The following ATR variants were observed in gnomAD, a reference collection of about 807,000 sequenced individuals.
ATR encodes ATR checkpoint kinase.
In ATR, 142 loss-of-function variants were observed where a neutral mutation model predicts 305.3. The observed-to-expected ratio is 0.47, with a 90% CI of 0.41 to 0.53. The LOEUF is 0.53. ATR is among the 20% of genes least tolerant of loss of function. The pLI is 0.00. For synonymous variants in ATR, 1,050 were observed against 1,068.1 expected, an observed-to-expected ratio of 0.98 and a Z score of 0.33; for missense variants, 2,135 against 3,133.1, an observed-to-expected ratio of 0.68 and a Z score of 7.60.
intron 23 of ATR, 79 bp from the exon 24 acceptor site, chr3:142,519,863 T>C: frequency 9.3e-7 from 1 of 1,073,758 alleles, no homozygotes; most frequent in South Asian, 1.3e-5. Flanking sequence ...CTACATATCT[T>C]AGTTATAAAA....
intron 28 of ATR, among the ~76,000 whole-genome samples, chr3:142,506,570 C>G (rs995624048): frequency 6.6e-6 from 1 of 151,996 alleles, no homozygotes; most frequent in African/African-American, 2.4e-5. Flanking sequence ...GCCTGTGGTC[C>G]CAGCTGCTCG....
At chr3:142,465,848 T>C (rs938690964) in intron 40 of ATR, 1 of 170,138 alleles carries the variant, frequency 5.9e-6, no homozygotes, top group Non-Finnish European at 1.3e-5. Flanking sequence ...CTACAAAAAA[T>C]TTAAAAAATT....
At chr3:142,519,596 G>T in intron 24 of ATR, 73 bp downstream of exon 24, 1 of 1,332,664 alleles carries the variant, frequency 7.5e-7, no homozygotes, top group Non-Finnish European at 1.1e-6. Flanking sequence ...CACTGCACCC[G>T]GCCAAAAAAA....
intron 28 of ATR, among the ~76,000 whole-genome samples, chr3:142,506,203 C>T (rs577346614): frequency 3.9e-5 from 6 of 152,142 alleles, no homozygotes; most frequent in Admixed American, 6.5e-5. Context: ...TGTGAAGTTC[C>T]GGAAACAGAG....
chr3:142,554,883 G>A (rs1173652924), intron 10 of ATR, among the ~76,000 whole-genome samples: 2 of 151,638 alleles, frequency 1.3e-5, no homozygotes, highest in African/African-American at 4.9e-5. Context: ...AGCCATGATT[G>A]CGCCACTGCA....
intron 1 of ATR, among the ~76,000 whole-genome samples, chr3:142,578,142 C>T (rs2035500904): frequency 6.6e-6 from 1 of 152,112 alleles, no homozygotes; most frequent in African/African-American, 2.4e-5. Context: ...ACTGCCTTTT[C>T]CAGCAAGTGA....
At chr3:142,524,394 A>G (rs1287748532) in intron 21 of ATR, among the ~76,000 whole-genome samples, 195 bp from the exon 22 acceptor site, 1 of 152,224 alleles carries the variant, frequency 6.6e-6, no homozygotes, top group African/African-American at 2.4e-5. Context: ...CTGTACAATT[A>G]GAATCATTAA....
At chr3:142,555,236 C>CG (rs1325471494) in intron 10 of ATR, among the ~76,000 whole-genome samples, 4 of 53,688 alleles carry the variant, frequency 7.5e-5, no homozygotes, top group South Asian at 8.1e-4. Flanking sequence ...AACTCCGTCT[C>CG]GGGGAAAAAA....
intron 18 of ATR, among the ~76,000 whole-genome samples, chr3:142,540,261 C>T (rs372500052): frequency 2.2e-4 from 34 of 152,108 alleles, no homozygotes; most frequent in African/African-American, 1.2e-4. Context: ...TTACAAGAGA[C>T]ACTTAAGGAG....
Position 142,497,144 on chromosome 3 carries a change from C to A in ATR, c.5607G>T (p.Gln1869His), listed in dbSNP as rs1450079064. 1.2e-6 allele frequency: 2 copies of A among 1,614,008 alleles called. No homozygotes were observed. Among genetic ancestry groups the A allele is most frequent in the South Asian group, 2.2e-5 (2 of 91,074 alleles). ...ELEHSIKPLFQHSPGDSSQED... is the reference protein window; with the variant it reads ...ELEHSIKPLFHHSPGDSSQED... ...CTTGAGAACTGTCACCTGGAGAATG[C>A]TGGAAAAGTGGTTTGATGCTATGCT... Residue 1869 changes from glutamine (Q) to histidine (H), a missense_variant, in exon 33 of 47, where the codon CAG (glutamine) becomes CAT (histidine). By Grantham distance (24) the Gln-to-His change is conservative. Coordinates refer to ENST00000350721, the MANE Select transcript of ATR (RefSeq NM_001184.4).
intron 36 of ATR, among the ~76,000 whole-genome samples, chr3:142,476,668 T>C (rs1469389178): frequency 1.3e-5 from 2 of 152,202 alleles, no homozygotes; most frequent in Non-Finnish European, 2.9e-5. Context: ...GCATTGAATC[T>C]ATAAATTACC....
intron 14 of ATR, 30 bp downstream of exon 14, chr3:142,550,102 A>T: frequency 6.2e-7 from 1 of 1,611,690 alleles, no homozygotes; most frequent in Non-Finnish European, 8.5e-7. Context: ...TGAATTGCAA[A>T]CCTCAAGTGA....
At chr3:142,482,132 G>T (rs2030544872) in intron 36 of ATR, among the ~76,000 whole-genome samples, 1 of 151,972 alleles carries the variant, frequency 6.6e-6, no homozygotes. Context: ...AGCCTATTTT[G>T]ATATCTAATC....
In ATR at chr3:142,470,192, A is replaced by G. The variant is rs758465573; in HGVS notation, c.6222-9T>C. On this transcript the variant is annotated splice_polypyrimidine_tract_variant and intron_variant, in intron 36 of 46. Coordinates refer to ENST00000350721, the MANE Select transcript of ATR (RefSeq NM_001184.4). ...TTCCATATTGTAGAGATCTGCAATT[A>G]TATAGACAAGAAACACTATTAGCAT... The G allele has an allele frequency of 6.4e-7, 1 of 1,563,950 alleles. No individual in the cohort carries two copies. Among genetic ancestry groups the G allele is most frequent in the South Asian group, 1.1e-5 (1 of 89,654 alleles).
In ATR at chr3:142,481,830, A is replaced by AT. The variant is rs113829981; in HGVS notation, c.6221+3309dup. On this transcript the variant is annotated intron_variant, in intron 36 of 46. Transcript: ENST00000350721. ...TACATTTATTTTGATTTATTTATTT[A>AT]TTTTTTTTTTGAGATAGAGTCTTTC... Among the ~76,000 whole-genome samples the AT allele has an allele frequency of 4.4e-4, 65 of 147,896 alleles. 1 individual carries two copies. Among genetic ancestry groups the AT allele is most frequent in the East Asian group, 2.4e-3 (12 of 5,052 alleles).
At chr3:142,485,333 G>T in intron 35 of ATR, 51 bp from the exon 36 acceptor site, 1 of 1,599,498 alleles carries the variant, frequency 6.3e-7, no homozygotes, top group Non-Finnish European at 8.5e-7. Context: ...ACGCTATGCT[G>T]GGAAGTAAAA....
intron 13 of ATR, among the ~76,000 whole-genome samples, chr3:142,552,789 C>A (rs1417014601): frequency 2.0e-5 from 3 of 150,012 alleles, no homozygotes; most frequent in African/African-American, 7.4e-5. Context: ...TAAAAAGGAA[C>A]AAGATCATGT....
In ATR at chr3:142,561,261, G is replaced by C; in HGVS notation, c.1331C>G (p.Ala444Gly). The C allele has an allele frequency of 6.2e-7, 1 of 1,613,898 alleles. No individual in the cohort carries two copies. Among genetic ancestry groups the C allele is most frequent in the East Asian group, 2.2e-5 (1 of 44,854 alleles). The part of the protein sequence containing the change: ...LSSSLNPSKR[A>G]PKQTEEIKHV... ...ATCATACTCCTCAGTCTGTTTTGGT[G>C]CTCTTTTAGAAGGGTTTAGAGACGA... Residue 444 changes from alanine to glycine, a missense_variant, in exon 5 of 47, where the codon GCA becomes GGA. By Grantham distance (60) the Ala-to-Gly change is moderately conservative. Around this residue, in one of 9 missense-constraint regions of ATR, gnomAD observed 744 missense variants for 873.2 expected, o/e 0.85. Coordinates refer to ENST00000350721, the MANE Select transcript of ATR (RefSeq NM_001184.4).
At chr3:142,473,637 C>A (rs2071354219) in intron 36 of ATR, among the ~76,000 whole-genome samples, 1 of 151,888 alleles carries the variant, frequency 6.6e-6, no homozygotes, top group Non-Finnish European at 1.5e-5. Flanking sequence ...CCTCCACCTC[C>A]CGGGTTCCAG....
Sources: allele counts gnomAD v4.1 joint callset (sites outside exome capture counted in the v4.1 genomes callset), GRCh38; gene constraint gnomAD v4.1.1; regional missense constraint gnomAD v4.1.1; transcripts MANE v1.5; gene names NCBI Gene and HGNC (gene_info 2026-07-23, HGNC 2026-07-21).